Variants in KCNIP1 observed in about 807,000 individuals in gnomAD.
The protein encoded by KCNIP1 is potassium voltage-gated channel interacting protein 1.
In KCNIP1, 18 loss-of-function variants were observed where a neutral mutation model predicts 33.0. The observed-to-expected ratio is 0.55, with a 90% CI of 0.38 to 0.81. KCNIP1 has a LOEUF of 0.81. Ranked by LOEUF, KCNIP1 falls within the 30% of genes least tolerant of loss-of-function variation. The pLI is 0.00. For synonymous variants in KCNIP1, 93 were observed against 98.3 expected (o/e 0.95, Z 0.32); for missense variants, 238 against 271.6 (o/e 0.88, Z 0.87).
At chr5:170,475,711 C>A (rs916822745) in intron 1 of KCNIP1, among the ~76,000 whole-genome samples, 64 of 152,244 alleles carry the variant, frequency 4.2e-4, no homozygotes, top group African/African-American at 1.5e-3. Flanking sequence ...CACAAAGGAC[C>A]TCAAAGCCAA....
At chr5:170,665,086 C>A (rs1242671751) in intron 1 of KCNIP1, among the ~76,000 whole-genome samples, 2 of 152,102 alleles carry the variant, frequency 1.3e-5, no homozygotes, top group African/African-American at 2.4e-5. Context: ...AAGCCCGAAC[C>A]CCCAGAAGCC....
At chr5:170,712,214 A>T (rs1763473107) in intron 1 of KCNIP1, among the ~76,000 whole-genome samples, 2 of 152,206 alleles carry the variant, frequency 1.3e-5, no homozygotes, top group Non-Finnish European at 1.5e-5. Context: ...CCACTCTGCC[A>T]CACATCCTAA....
chr5:170,361,091 G>C (rs1763500758), intron 1 of KCNIP1, among the ~76,000 whole-genome samples: 1 of 152,250 alleles, frequency 6.6e-6, no homozygotes, highest in African/African-American at 2.4e-5. Flanking sequence ...TCTGCTGGGG[G>C]ACTGCCCCTG....
At chr5:170,622,334 G>A (rs1206903562) in intron 1 of KCNIP1, among the ~76,000 whole-genome samples, 2 of 152,046 alleles carry the variant, frequency 1.3e-5, no homozygotes, top group Non-Finnish European at 2.9e-5. Context: ...AAAAAGAAGG[G>A]ATACAGGCCG....
chr5:170,628,201 A>G (rs1235394037), intron 1 of KCNIP1, among the ~76,000 whole-genome samples: 1 of 152,202 alleles, frequency 6.6e-6, no homozygotes, highest in African/African-American at 2.4e-5. Context: ...CAAGCAGTCT[A>G]TTAACCACAG....
At chr5:170,608,985 G>A (rs1404294121) in intron 1 of KCNIP1, among the ~76,000 whole-genome samples, 1 of 152,072 alleles carries the variant, frequency 6.6e-6, no homozygotes, top group African/African-American at 2.4e-5. Context: ...GTGCCTCCAC[G>A]TTCCCTTTCA....
intron 1 of KCNIP1, among the ~76,000 whole-genome samples, chr5:170,431,127 G>A (rs1755730183): frequency 6.6e-6 from 1 of 152,242 alleles, no homozygotes; most frequent in Admixed American, 6.5e-5. Context: ...TAAGGGACTT[G>A]CGGAAAGTGG....
At chr5:170,414,199 C>T (rs1755268256) in intron 1 of KCNIP1, among the ~76,000 whole-genome samples, 2 of 152,240 alleles carry the variant, frequency 1.3e-5, no homozygotes, top group South Asian at 4.1e-4. Context: ...CTAATATTCT[C>T]CCTTATATCT....
At chr5:170,721,801 C>T (rs1763833890) in intron 3 of KCNIP1, 32 bp from the exon 4 acceptor site, 1 of 1,614,168 alleles carries the variant, frequency 6.2e-7, no homozygotes. Context: ...AATTCCTGCC[C>T]CCATCACCTG....
At chr5:170,414,741 G>T (rs1158156733) in intron 1 of KCNIP1, among the ~76,000 whole-genome samples, 1 of 152,202 alleles carries the variant, frequency 6.6e-6, no homozygotes, top group Non-Finnish European at 1.5e-5. Context: ...GTGTGTGTTT[G>T]AAAGAAGGAA....
chr5:170,505,837 C>G (rs1436463654), intron 1 of KCNIP1, among the ~76,000 whole-genome samples: 1 of 152,112 alleles, frequency 6.6e-6, no homozygotes, highest in African/African-American at 2.4e-5. Flanking sequence ...GGTGCTGAAG[C>G]TGGGTTGGCA....
chr5:170,495,174 T>C (rs528779101), intron 1 of KCNIP1, among the ~76,000 whole-genome samples: 60 of 152,194 alleles, frequency 3.9e-4, no homozygotes, highest in African/African-American at 1.4e-3. Flanking sequence ...TTACGGAGCA[T>C]GGAGCCTGAA....
At chr5:170,590,932 T>C (rs992735345) in intron 1 of KCNIP1, among the ~76,000 whole-genome samples, 15 of 152,160 alleles carry the variant, frequency 9.9e-5, no homozygotes, top group Admixed American at 9.2e-4. Flanking sequence ...CAGGTTTGTA[T>C]GGGGCAGGCC....
rs116524706 is a variant in KCNIP1, at chr5:170,721,521, C to T, written c.257-312C>T. 2.5e-3 allele frequency among the ~76,000 whole-genome samples: 375 copies of T among 152,174 alleles called. 4 individuals are homozygous for T. The highest frequency in any genetic ancestry group is 3.1e-3 in the Non-Finnish European group (211 of 68,004). ...AGTGCTCATCCCAGGCATTCATGGC[C>T]GTTCAGAAGAACATTGTCATGCAGT... On this transcript the variant is annotated intron_variant, in intron 3 of 7. Coordinates refer to ENST00000328939, the MANE Select transcript of KCNIP1 (RefSeq NM_014592.4).
At chr5:170,706,335 T>C (rs1763255613) in intron 1 of KCNIP1, among the ~76,000 whole-genome samples, 1 of 152,186 alleles carries the variant, frequency 6.6e-6, no homozygotes, top group Non-Finnish European at 1.5e-5. Flanking sequence ...AGTAATGTGA[T>C]AGAGCTGGGT....
At chr5:170,695,513 CT>C (rs912186536) in intron 1 of KCNIP1, among the ~76,000 whole-genome samples, 1 of 152,234 alleles carries the variant, frequency 6.6e-6, no homozygotes, top group African/African-American at 2.4e-5. Flanking sequence ...TGATTTTGCA[CT>C]GTATATTCAT....
chr5:170,375,826 A>G (rs1273500830), intron 1 of KCNIP1: 2 of 152,246 alleles, frequency 1.3e-5, no homozygotes, highest in Non-Finnish European at 2.9e-5. Context: ...TTTCATGCCA[A>G]AACTCTATGG....
chr5:170,715,649 A>G (rs187271352), intron 1 of KCNIP1, among the ~76,000 whole-genome samples: 1 of 152,336 alleles, frequency 6.6e-6, no homozygotes, highest in East Asian at 1.9e-4. Context: ...TTCACACGTA[A>G]GGTTATGGAA....
intron 1 of KCNIP1, among the ~76,000 whole-genome samples, chr5:170,685,927 A>AT (rs1762521766): frequency 6.6e-6 from 1 of 152,342 alleles, no homozygotes; most frequent in East Asian, 1.9e-4. Flanking sequence ...AGCTCATCTG[A>AT]TTTTTTAATG....
Sources: gnomAD v4.1 joint callset for allele counts (sites outside exome capture counted in the v4.1 genomes callset) on GRCh38, gnomAD v4.1.1 for gene constraint, MANE v1.5 for transcripts, NCBI Gene and HGNC (gene_info 2026-07-23, HGNC 2026-07-21) for gene names.